The following ATP2B2 variants were observed in gnomAD, a reference collection of about 807,000 sequenced individuals.
ATP2B2 encodes plasma membrane calcium-transporting ATPase 2.
ATP2B2 carries 15 observed loss-of-function variants against 120.0 expected under a neutral mutation model. That is an observed-to-expected ratio of 0.12 (90% CI 0.08 to 0.19). The LOEUF (loss-of-function observed/expected upper bound fraction) is 0.19. ATP2B2 is among the 10% of genes least tolerant of loss of function. ATP2B2 has a pLI of 1.00. For missense variants in ATP2B2, 1,045 were observed against 1,719.8 expected (o/e 0.61, Z 6.94); for synonymous variants, 694 against 700.3 (o/e 0.99, Z 0.14).
chr3:10,328,549 A>T lies in ATP2B2; in HGVS notation c.*265T>A. On this transcript the variant is annotated 3_prime_UTR_variant, in exon 23 of 23. Coordinates refer to ENST00000360273, the MANE Select transcript of ATP2B2 (RefSeq NM_001001331.4). ...GGTCCATGTCTGGGTGGGAGCCAGG[A>T]AGGGCTTGTTTTGGGAAAACCGCTC... 4 of 434,360 alleles carry T rather than the reference A, an allele frequency of 9.2e-6. No individual in the cohort carries two copies. Among genetic ancestry groups the T allele is most frequent in the Non-Finnish European group, 1.7e-5 (4 of 242,368 alleles). The allele number at this position is 434,360 out of a possible 1,614,324, so 26.9% of individuals were successfully genotyped here. A position where few individuals can be genotyped will look rare whatever the true frequency, so the allele number is the denominator to read the frequency against.
upstream of ATP2B2, chr3:10,505,800 G>T (rs1269539346): frequency 2.7e-5 from 4 of 148,182 alleles, no homozygotes; most frequent in African/African-American, 1.0e-4. Flanking sequence ...TGGGGGGCGG[G>T]GGGGGTGTGT....
At chr3:10,699,961 AC>A (rs1361411098) in intron 1 of ATP2B2, among the ~76,000 whole-genome samples, 1 of 152,102 alleles carries the variant, frequency 6.6e-6, no homozygotes, top group African/African-American at 2.4e-5. Flanking sequence ...CTTATAAATA[AC>A]CCGGTTTCAA....
rs146678529 is a variant in ATP2B2 at position 10,482,739 on chromosome 3, G to C, written c.-320+22726C>G. 1.8e-3 allele frequency among the ~76,000 whole-genome samples: 279 copies of C among 152,334 alleles called. 2 individuals carry two copies. Among genetic ancestry groups the C allele is most frequent in the African/African-American group, 6.4e-3 (264 of 41,572 alleles). On this transcript the variant is annotated intron_variant, in intron 1 of 22. Transcript: ENST00000360273. ...ACCTGAGCCTTCTGACTGAGAGTGAGGAAGTCTGAATTCTGCTCACCCACA... is the reference window on the plus strand; with the variant it reads ...ACCTGAGCCTTCTGACTGAGAGTGACGAAGTCTGAATTCTGCTCACCCACA...
chr3:10,479,817 T>C (rs1024820764), intron 1 of ATP2B2, among the ~76,000 whole-genome samples: 1 of 152,164 alleles, frequency 6.6e-6, no homozygotes, highest in African/African-American at 2.4e-5. Context: ...TAATTCTGGC[T>C]GGGCTTGGTG....
chr3:10,518,408 G>A (rs368876008), intron 3 of ATP2B2, among the ~76,000 whole-genome samples: 2 of 152,206 alleles, frequency 1.3e-5, no homozygotes, highest in Admixed American at 6.5e-5. Context: ...GGCTTGATCC[G>A]ATCTGGACTA....
At chr3:10,391,536 C>T (rs1176354562) in intron 5 of ATP2B2, among the ~76,000 whole-genome samples, 4 of 152,052 alleles carry the variant, frequency 2.6e-5, no homozygotes, top group African/African-American at 7.2e-5. Context: ...ACTCCCATCG[C>T]AGCAGGGAGC....
chr3:10,345,327 C>T, intron 18 of ATP2B2, 57 bp downstream of exon 18: 1 of 1,597,402 alleles, frequency 6.3e-7, no homozygotes, highest in South Asian at 1.1e-5. Flanking sequence ...GCCCCCGAGC[C>T]TCTGTGGGGG....
intron 2 of ATP2B2, among the ~76,000 whole-genome samples, chr3:10,552,592 C>T (rs1052066062): frequency 7.2e-5 from 11 of 152,232 alleles, no homozygotes; most frequent in African/African-American, 2.7e-4. Context: ...CTCAGCACTG[C>T]TTTTATGTTA....
In ATP2B2 at chr3:10,356,619, G is replaced by A. The variant is rs540177242; in HGVS notation, c.2136+2072C>T. 4.6e-5 allele frequency among the ~76,000 whole-genome samples: 7 copies of A among 152,336 alleles called. No individual in the cohort carries two copies. In the South Asian group the frequency reaches 1.5e-3, roughly 32 times the overall value. Reference sequence around the variant, plus strand: ...GTTTCCAAGGCAGGGTGGTGAGCCAGGAGCTCTGGGAGGGCCCGGGAAGGG... The same window carrying A: ...GTTTCCAAGGCAGGGTGGTGAGCCAAGAGCTCTGGGAGGGCCCGGGAAGGG... On this transcript the variant is annotated intron_variant, in intron 14 of 22. Coordinates refer to ENST00000360273, the MANE Select transcript of ATP2B2 (RefSeq NM_001001331.4).
chr3:10,494,262 T>C (rs57726667), intron 1 of ATP2B2, among the ~76,000 whole-genome samples: 6,787 of 152,166 alleles, frequency 0.045, 496 homozygotes, highest in African/African-American at 0.15. Context: ...TGATAGCTGA[T>C]TTTTTCATAG....
At chr3:10,543,553 T>C (rs1227315363) in intron 2 of ATP2B2, among the ~76,000 whole-genome samples, 1 of 152,238 alleles carries the variant, frequency 6.6e-6, no homozygotes, top group Non-Finnish European at 1.5e-5. Flanking sequence ...TTTAATCTTC[T>C]AATTGTTTTT....
chr3:10,467,773 A>G (rs1228420492), intron 1 of ATP2B2, among the ~76,000 whole-genome samples: 1 of 152,154 alleles, frequency 6.6e-6, no homozygotes, highest in Non-Finnish European at 1.5e-5. Context: ...CCAATGTTGT[A>G]ATGGCATTGG....
At position 10,487,609 on chromosome 3, in the gene ATP2B2, A is replaced by G. The variant is rs368153653; in HGVS notation, c.-320+17856T>C. ...CAGGGACTGTGTCTGGTTTATTCAC[A>G]TCATGTCCCCAGTGCCCTCAGCTCA... On this transcript the variant is annotated intron_variant, in intron 1 of 22. Transcript: ENST00000360273. Among the ~76,000 whole-genome samples, 26 of 152,342 alleles carry G rather than the reference A, an allele frequency of 1.7e-4. No homozygotes were observed. The East Asian group carries it at 4.4e-3, about 26-fold the overall frequency.
chr3:10,389,926 C>A (rs934444662), intron 5 of ATP2B2, among the ~76,000 whole-genome samples: 1 of 152,168 alleles, frequency 6.6e-6, no homozygotes, highest in African/African-American at 2.4e-5. Context: ...CGAGGGAATG[C>A]GGCACTGCTG....
intron 2 of ATP2B2, among the ~76,000 whole-genome samples, chr3:10,582,190 C>T (rs1006965022): frequency 1.8e-4 from 28 of 152,018 alleles, no homozygotes; most frequent in Admixed American, 1.8e-3. Context: ...GTTTTGGGGT[C>T]GTTGTTTCTT....
At chr3:10,676,440 C>T (rs569518220) in intron 1 of ATP2B2, among the ~76,000 whole-genome samples, 1 of 152,058 alleles carries the variant, frequency 6.6e-6, no homozygotes, top group Non-Finnish European at 1.5e-5. Context: ...CACAGAACTA[C>T]CATCATCCTG....
chr3:10,601,478 C>T (rs1326478917), intron 2 of ATP2B2, among the ~76,000 whole-genome samples: 3 of 152,182 alleles, frequency 2.0e-5, no homozygotes, highest in African/African-American at 4.8e-5. Flanking sequence ...GTGAGAGTCT[C>T]CCCTTGCTGG....
chr3:10,561,397 C>T (rs2067901075), intron 2 of ATP2B2, among the ~76,000 whole-genome samples: 1 of 152,182 alleles, frequency 6.6e-6, no homozygotes, highest in Admixed American at 6.5e-5. Flanking sequence ...CCCCAGCGGT[C>T]CCCTGGCATT....
Position 10,329,024 on chromosome 3 carries a change from C to G in ATP2B2, c.3522G>C (p.Arg1174=), listed in dbSNP as rs556385307. Reference sequence around the variant, plus strand: ...GGATGTGGGGCTGGGAATCTTCGATCCGGAATTCAGGATGAGCCATGAAGT... The same window carrying G: ...GGATGTGGGGCTGGGAATCTTCGATGCGGAATTCAGGATGAGCCATGAAGT... ...IHNFMAHPEF[R]IEDSQPHIPL... Residue 1174 remains arginine (R), a synonymous_variant, in exon 23 of 23, where the codon CGG becomes CGC. Transcript: ENST00000360273. The surrounding 1 kb of genome is among the most constrained non-coding windows in gnomAD (Gnocchi z 5.9). The G allele has an allele frequency of 2.7e-5, 44 of 1,613,812 alleles. No homozygotes were observed. The highest frequency in any genetic ancestry group is 1.6e-4 in the Middle Eastern group (1 of 6,084).
Sources: gnomAD v4.1 joint callset for allele counts (sites outside exome capture counted in the v4.1 genomes callset) on GRCh38, gnomAD v4.1.1 for gene constraint, Gnocchi (gnomAD v3.1) non-coding constraint, MANE v1.5 for transcripts, NCBI Gene and HGNC (gene_info 2026-07-23, HGNC 2026-07-21) for gene names.